The following ABHD12 variants were observed in gnomAD, a reference collection of about 807,000 sequenced individuals.
ABHD12 encodes the protein abhydrolase domain containing 12, lysophospholipase, also known as lysophosphatidylserine lipase ABHD12.
In ABHD12, 43 loss-of-function variants were observed where a neutral mutation model predicts 58.3. That is an observed-to-expected ratio of 0.74 (90% CI 0.58 to 0.95). ABHD12 has a LOEUF of 0.95. ABHD12 is among the 40% of genes least tolerant of loss of function. The probability of loss-of-function intolerance (pLI) is 0.00; values close to 1 mark genes in which losing one functional copy is unlikely to be tolerated. For missense variants in ABHD12, 539 were observed against 537.2 expected, an observed-to-expected ratio of 1.00 and a Z score of -0.03; for synonymous variants, 219 against 211.2, an observed-to-expected ratio of 1.04 and a Z score of -0.32.
At chr20:25,387,812 G>A (rs903802858) in intron 1 of ABHD12, among the ~76,000 whole-genome samples, 2 of 151,346 alleles carry the variant, frequency 1.3e-5, no homozygotes, top group Admixed American at 6.6e-5. Flanking sequence ...GGAGGCCGAG[G>A]TGGGTGGATC....
At chr20:25,325,482 C>G (rs1016987927) in intron 2 of ABHD12, among the ~76,000 whole-genome samples, 2 of 152,172 alleles carry the variant, frequency 1.3e-5, no homozygotes, top group African/African-American at 4.8e-5. Flanking sequence ...TGGGTGGATA[C>G]TAACCCAACA....
At chr20:25,296,660 G>C, downstream of ABHD12, 1 of 1,191,500 alleles carries the variant, frequency 8.4e-7, no homozygotes, top group Non-Finnish European at 1.1e-6. Context: ...GGCCATGGGG[G>C]TCAGGGTGGT....
Position 25,300,662 on chromosome 20 carries a change from G to A in ABHD12, c.*183C>T. The A allele has an allele frequency of 6.6e-7, 1 of 1,505,870 alleles. No homozygotes were observed. The highest frequency in any genetic ancestry group is 8.8e-7 in the Non-Finnish European group (1 of 1,131,248). 93.3% of individuals were successfully genotyped at this position (1,505,870 alleles called of 1,614,324 possible). On this transcript the variant is annotated 3_prime_UTR_variant, in exon 13 of 13. Transcript: ENST00000339157. The stretch of plus-strand genomic sequence containing the variant: ...ACGCTTTCCACACAGCCATGCTCAG[G>A]CCTCCGGGCACTGCAGGCCTGCAGG...
chr20:25,387,772 G>C (rs2090112378), intron 1 of ABHD12, among the ~76,000 whole-genome samples: 1 of 151,598 alleles, frequency 6.6e-6, no homozygotes, highest in South Asian at 2.1e-4. Context: ...GCCGGGCGCT[G>C]TGGCTCACGC....
intron 1 of ABHD12, chr20:25,390,201 G>A (rs2090150812): frequency 3.8e-6 from 1 of 260,858 alleles, no homozygotes; most frequent in Non-Finnish European, 7.2e-6. Flanking sequence ...CCCAGCGTAA[G>A]GGTCCCCCCG....
chr20:25,335,960 TAATA>T (rs1179201959), intron 2 of ABHD12, among the ~76,000 whole-genome samples: 14 of 148,992 alleles, frequency 9.4e-5, no homozygotes, highest in Admixed American at 9.3e-4. Flanking sequence ...AGTATAATAA[TAATA>T]AATAAAAAAA....
chr20:25,350,414 A>G (rs1241898707), intron 1 of ABHD12, among the ~76,000 whole-genome samples: 2 of 152,308 alleles, frequency 1.3e-5, no homozygotes, highest in Admixed American at 6.5e-5. Context: ...TCATGGGGAC[A>G]GTTTCCCCCA....
rs75793791 is a variant in ABHD12, at chr20:25,364,727, A to G, written c.192-25376T>C. 9.1e-3 allele frequency among the ~76,000 whole-genome samples: 1,380 copies of G among 152,358 alleles called. 20 individuals carry two copies. The highest frequency in any genetic ancestry group is 0.029 in the African/African-American group (1,200 of 41,598). On this transcript the variant is annotated intron_variant, in intron 1 of 12. Coordinates refer to ENST00000339157, the MANE Select transcript of ABHD12 (RefSeq NM_001042472.3). Reference sequence around the variant, plus strand: ...ATTAAGATGACACATAGAAATGCAAATTAAACCATGAGGTTCCATTTTCAC... The same window carrying G: ...ATTAAGATGACACATAGAAATGCAAGTTAAACCATGAGGTTCCATTTTCAC...
chr20:25,374,292 C>T (rs1415545292), intron 1 of ABHD12, among the ~76,000 whole-genome samples: 3 of 151,766 alleles, frequency 2.0e-5, no homozygotes, highest in Non-Finnish European at 1.5e-5. Context: ...CTGTTTGGTT[C>T]TCTTTTCCCC....
chr20:25,302,172 C>T (rs757590387), intron 12 of ABHD12, 47 bp downstream of exon 12: 7 of 1,611,306 alleles, frequency 4.3e-6, no homozygotes, highest in South Asian at 3.3e-5. Context: ...TAGGTGTGAG[C>T]CAGTGCTGCC....
At position 25,345,861 on chromosome 20, in the gene ABHD12, T is replaced by C. The variant is rs141261395; in HGVS notation, c.192-6510A>G. On this transcript the variant is annotated intron_variant, in intron 1 of 12. Coordinates refer to ENST00000339157, the MANE Select transcript of ABHD12 (RefSeq NM_001042472.3). ...GAATGCAAACATGGTACACAGACAC[T>C]TGGGAAGACAGTTTGGCAACTCCTC... is the stretch of plus-strand genomic sequence containing the variant. Among the ~76,000 whole-genome samples the C allele has an allele frequency of 1.4e-3, 209 of 152,286 alleles. 1 individual carries two copies. Among genetic ancestry groups the C allele is most frequent in the African/African-American group, 4.7e-3 (197 of 41,554 alleles).
chr20:25,310,926 G>A (rs1441234081), intron 6 of ABHD12, among the ~76,000 whole-genome samples: 2 of 152,322 alleles, frequency 1.3e-5, no homozygotes, highest in South Asian at 2.1e-4. Flanking sequence ...TGACAGAAGT[G>A]CGGGGAGATG....
intron 3 of ABHD12, among the ~76,000 whole-genome samples, chr20:25,322,257 A>G (rs1437571519): frequency 6.6e-6 from 1 of 151,218 alleles, no homozygotes; most frequent in East Asian, 1.9e-4. Flanking sequence ...TTAAAAAAGT[A>G]AATACTCAGA....
rs112504524 is a variant in ABHD12 at position 25,311,760 on chromosome 20, G to A, written c.620-2185C>T. Among the ~76,000 whole-genome samples the A allele has an allele frequency of 8.0e-3, 1,225 of 152,178 alleles. 20 individuals carry two copies. Among genetic ancestry groups the A allele is most frequent in the African/African-American group, 0.028 (1,174 of 41,528 alleles). On this transcript the variant is annotated intron_variant, in intron 6 of 12. Coordinates refer to ENST00000339157, the MANE Select transcript of ABHD12 (RefSeq NM_001042472.3). ...CGCTCTGTCACTCAGGCTGGAGTGC[G>A]GTGGCATGATCTTGGCTCACTGCAA...
intron 1 of ABHD12, among the ~76,000 whole-genome samples, chr20:25,380,490 C>T (rs2090009801): frequency 6.6e-6 from 1 of 152,086 alleles, no homozygotes; most frequent in African/African-American, 2.4e-5. Context: ...CCCTCCCTGT[C>T]TTTCCCCCTT....
chr20:25,372,389 CAT>C, intron 1 of ABHD12, among the ~76,000 whole-genome samples: 1 of 152,244 alleles, frequency 6.6e-6, no homozygotes, highest in East Asian at 1.9e-4. Context: ...GTCTATAAAA[CAT>C]AGCCAGTTTG....
intron 4 of ABHD12, among the ~76,000 whole-genome samples, chr20:25,317,550 T>C (rs1380783145): frequency 6.6e-6 from 1 of 152,240 alleles, no homozygotes; most frequent in Non-Finnish European, 1.5e-5. Flanking sequence ...TCATCTTGAC[T>C]GTTTCCCACC....
chr20:25,356,935 G>A (rs1428267272), intron 1 of ABHD12, among the ~76,000 whole-genome samples: 1 of 152,166 alleles, frequency 6.6e-6, no homozygotes, highest in Non-Finnish European at 1.5e-5. Context: ...AGGAGCTCAA[G>A]GCCAGCCTGG....
exon 13 of ABHD12, chr20:25,294,747 A>G: frequency 3.1e-6 from 2 of 635,770 alleles, no homozygotes; most frequent in Non-Finnish European, 2.8e-6. Flanking sequence ...ACGATGTGAC[A>G]TTATAATGTA....
Sources: allele counts gnomAD v4.1 joint callset (sites outside exome capture counted in the v4.1 genomes callset), GRCh38; gene constraint gnomAD v4.1.1; transcripts MANE v1.5; gene names NCBI Gene and HGNC (gene_info 2026-07-23, HGNC 2026-07-21).